The following THSD7B variants were observed in gnomAD, a reference collection of about 807,000 sequenced individuals.
THSD7B encodes thrombospondin type-1 domain-containing protein 7B.
A neutral mutation model predicts 213.6 loss-of-function variants in THSD7B; 138 were observed. The observed-to-expected ratio is 0.65, with a 90% CI of 0.56 to 0.74. THSD7B has a LOEUF of 0.74. THSD7B is among the 30% of genes least tolerant of loss of function. The pLI, the probability that THSD7B is intolerant of heterozygous loss-of-function variation, is 0.00. For synonymous variants in THSD7B, 742 were observed against 687.0 expected, an observed-to-expected ratio of 1.08 and a Z score of -1.25; for missense variants, 1,931 against 1,991.5, an observed-to-expected ratio of 0.97 and a Z score of 0.58.
chr2:137,253,746 T>G (rs191276749), intron 10 of THSD7B, among the ~76,000 whole-genome samples: 1 of 152,316 alleles, frequency 6.6e-6, no homozygotes, highest in East Asian at 1.9e-4. Context: ...GGTGTTTCCT[T>G]CAGTTTATTA....
In THSD7B at chr2:136,992,352, A is replaced by G. The variant is rs544836920; in HGVS notation, c.140-64068A>G. ...AAAGTGTAATTTTGGTTTTGTGGAA[A>G]CCATGGGAACCAATTTAGATAATTG... On this transcript the variant is annotated intron_variant, in intron 2 of 27. Coordinates refer to ENST00000409968, the MANE Select transcript of THSD7B (RefSeq NM_001316349.2). Among the ~76,000 whole-genome samples, 7 of 152,338 alleles carry G rather than the reference A, an allele frequency of 4.6e-5. No individual in the cohort carries two copies. In the East Asian group the frequency reaches 1.3e-3, roughly 29 times the overall value.
intron 12 of THSD7B, among the ~76,000 whole-genome samples, chr2:137,370,371 ATGT>A (rs1685515469): frequency 6.6e-6 from 1 of 152,096 alleles, no homozygotes; most frequent in Admixed American, 6.6e-5. Context: ...TCAGCTGATT[ATGT>A]TGTTGTTTTA....
intron 2 of THSD7B, among the ~76,000 whole-genome samples, chr2:136,935,229 G>A (rs1313597013): frequency 6.6e-6 from 1 of 151,882 alleles, no homozygotes; most frequent in Non-Finnish European, 1.5e-5. Context: ...TCTCTCTTTT[G>A]AGCCTTTGTT....
intron 1 of THSD7B, among the ~76,000 whole-genome samples, chr2:136,774,174 A>G (rs1240475686): frequency 6.6e-6 from 1 of 152,104 alleles, no homozygotes; most frequent in Non-Finnish European, 1.5e-5. Context: ...CCTAATACAC[A>G]TGAAATGGGC....
intron 1 of THSD7B, among the ~76,000 whole-genome samples, chr2:136,813,448 C>G (rs1469515): frequency 0.48 from 73,420 of 151,948 alleles, 18,498 homozygotes; most frequent in East Asian, 0.77. Context: ...GCCTGCTCTT[C>G]GAGATGACTT....
intron 20 of THSD7B, among the ~76,000 whole-genome samples, chr2:137,622,337 C>A (rs527761147): frequency 4.6e-5 from 7 of 152,208 alleles, no homozygotes; most frequent in African/African-American, 1.2e-4. Context: ...GTTCTTCCAG[C>A]TTTGAGCCTG....
At chr2:136,860,990 A>T (rs1683249941) in intron 1 of THSD7B, among the ~76,000 whole-genome samples, 1 of 152,256 alleles carries the variant, frequency 6.6e-6, no homozygotes, top group African/African-American at 2.4e-5. Context: ...TTTCGCAGAT[A>T]GCTGCGTAGC....
At chr2:136,874,275 T>A (rs1683490235) in intron 1 of THSD7B, among the ~76,000 whole-genome samples, 1 of 152,192 alleles carries the variant, frequency 6.6e-6, no homozygotes, top group South Asian at 2.1e-4. Context: ...ATCTCTAAAG[T>A]GGGGCATAAT....
At chr2:137,095,728 T>C (rs894524103) in intron 4 of THSD7B, among the ~76,000 whole-genome samples, 7 of 152,240 alleles carry the variant, frequency 4.6e-5, no homozygotes, top group Admixed American at 1.3e-4. Flanking sequence ...AGATAAAAAC[T>C]CTTGTTGCCC....
intron 3 of THSD7B, among the ~76,000 whole-genome samples, chr2:137,064,515 G>A (rs1687340037): frequency 6.6e-6 from 1 of 151,924 alleles, no homozygotes; most frequent in African/African-American, 2.4e-5. Flanking sequence ...AACTTGATGT[G>A]ATATAATTTG....
Position 137,636,866 on chromosome 2 carries a change from T to G in THSD7B, c.3800-5622T>G, listed in dbSNP as rs552035740. ...TTATTTTTTAACTTTCTGTGTTTTT[T>G]CTATAGATATGAGGTCTTGCTATGC... On this transcript the variant is annotated intron_variant, in intron 20 of 27. Coordinates refer to ENST00000409968, the MANE Select transcript of THSD7B (RefSeq NM_001316349.2). 2.6e-5 allele frequency among the ~76,000 whole-genome samples: 4 copies of G among 152,320 alleles called. No individual in the cohort carries two copies. In the East Asian group the frequency reaches 7.7e-4, roughly 29 times the overall value.
chr2:137,202,298 G>T (rs998545985), intron 7 of THSD7B, among the ~76,000 whole-genome samples: 1 of 152,132 alleles, frequency 6.6e-6, no homozygotes, highest in African/African-American at 2.4e-5. Context: ...TGGGAAAAGG[G>T]TGTCTGCTAA....
intron 3 of THSD7B, among the ~76,000 whole-genome samples, chr2:137,079,362 C>G (rs1687696158): frequency 6.6e-6 from 1 of 151,744 alleles, no homozygotes; most frequent in Non-Finnish European, 1.5e-5. Context: ...TTCTATTTTT[C>G]CAGCATCTTC....
At chr2:137,374,186 T>A (rs1280193403) in intron 12 of THSD7B, among the ~76,000 whole-genome samples, 2 of 152,054 alleles carry the variant, frequency 1.3e-5, no homozygotes, top group Non-Finnish European at 2.9e-5. Context: ...GAGCTGGGAA[T>A]CTGGCTGCTT....
intron 2 of THSD7B, among the ~76,000 whole-genome samples, chr2:136,980,222 T>C (rs2104806986): frequency 6.6e-6 from 1 of 152,286 alleles, no homozygotes; most frequent in South Asian, 2.1e-4. Flanking sequence ...TTGGGAGGTC[T>C]CACCCAGTCA....
intron 2 of THSD7B, among the ~76,000 whole-genome samples, chr2:136,930,946 G>A (rs1472021079): frequency 6.6e-6 from 1 of 152,132 alleles, no homozygotes; most frequent in East Asian, 1.9e-4. Flanking sequence ...CCCCAGAGCA[G>A]TCATTGTCTA....
intron 3 of THSD7B, among the ~76,000 whole-genome samples, chr2:137,068,538 A>G (rs915106792): frequency 6.6e-6 from 1 of 152,112 alleles, no homozygotes; most frequent in Admixed American, 6.6e-5. Flanking sequence ...CTATGTTGGC[A>G]TACTCTACCA....
intron 1 of THSD7B, among the ~76,000 whole-genome samples, chr2:136,780,999 T>G (rs1473986449): frequency 6.6e-6 from 1 of 151,860 alleles, no homozygotes; most frequent in Non-Finnish European, 1.5e-5. Flanking sequence ...ATAAAGAGTA[T>G]GTGTAAAATG....
At chr2:136,896,528 T>C (rs1044971986) in intron 2 of THSD7B, among the ~76,000 whole-genome samples, 3 of 152,184 alleles carry the variant, frequency 2.0e-5, no homozygotes, top group African/African-American at 7.2e-5. Context: ...TCTTTTGAAG[T>C]GCAAAAGTTT....
Sources: allele counts gnomAD v4.1 joint callset (sites outside exome capture counted in the v4.1 genomes callset), GRCh38; gene constraint gnomAD v4.1.1; transcripts MANE v1.5; gene names NCBI Gene and HGNC (gene_info 2026-07-23, HGNC 2026-07-21).